The following RNF213 variants were observed in gnomAD, a reference collection of about 807,000 sequenced individuals.
The protein encoded by RNF213 is ring finger protein 213.
In RNF213, 341 loss-of-function variants were observed where a neutral mutation model predicts 514.4. The observed-to-expected ratio is 0.66, with a 90% CI of 0.61 to 0.73. The LOEUF is 0.73. RNF213 is among the 30% of genes least tolerant of loss of function. The probability of loss-of-function intolerance (pLI) is 0.00; values close to 1 mark genes in which losing one functional copy is unlikely to be tolerated. For missense variants in RNF213, 5,767 were observed against 6,615.6 expected (o/e 0.87, Z 4.45); for synonymous variants, 2,655 against 2,658.2 (o/e 1.00, Z 0.04).
intron 5 of RNF213, among the ~76,000 whole-genome samples, chr17:80,289,216 C>T (rs1419098341): frequency 6.6e-6 from 1 of 152,144 alleles, no homozygotes; most frequent in Non-Finnish European, 1.5e-5. Flanking sequence ...ATTAGTGGCC[C>T]CAGCGGCACT....
At position 80,317,445 on chromosome 17, in the gene RNF213, A is replaced by G. The variant is rs1170749235; in HGVS notation, c.2901+168A>G. Among the ~76,000 whole-genome samples the G allele has an allele frequency of 1.3e-5, 2 of 152,170 alleles. No individual in the cohort carries two copies. Among genetic ancestry groups the G allele is most frequent in the Non-Finnish European group, 2.9e-5 (2 of 68,024 alleles). ...GATCCAGCCCTTATAGTCTGTCCCT[A>G]GAAGAGCGCTTCGGAGTCTTACTGA... is the stretch of plus-strand genomic sequence containing the variant. On this transcript the variant is annotated intron_variant, in intron 16 of 67. Coordinates refer to ENST00000582970, the MANE Select transcript of RNF213 (RefSeq NM_001256071.3). This position sits in a 1 kb window ranked among gnomAD's most constrained non-coding sequence, Gnocchi z 4.1.
chr17:80,312,830 A>C (rs187488899), intron 14 of RNF213, among the ~76,000 whole-genome samples, 182 bp from the exon 15 acceptor site: 2 of 152,310 alleles, frequency 1.3e-5, no homozygotes, highest in Admixed American at 1.3e-4. Flanking sequence ...TGAACCCAGA[A>C]AACCCTGGGG....
chr17:80,282,665 T>C (rs2044341698), intron 3 of RNF213, among the ~76,000 whole-genome samples: 1 of 152,138 alleles, frequency 6.6e-6, no homozygotes, highest in Non-Finnish European at 1.5e-5. Flanking sequence ...CCCAAAGTGC[T>C]GGGATTACAG....
intron 3 of RNF213, among the ~76,000 whole-genome samples, chr17:80,276,155 C>T (rs919323982): frequency 1.3e-5 from 2 of 151,804 alleles, no homozygotes; most frequent in Non-Finnish European, 2.9e-5. Flanking sequence ...AGCTAGGGTG[C>T]AATGGCGTGA....
rs747989175 is a variant in RNF213 at position 80,363,590 on chromosome 17, C to G, written c.11569-19C>G. 3 of 1,612,718 alleles carry G rather than the reference C, an allele frequency of 1.9e-6. No homozygotes were observed. Among genetic ancestry groups the G allele is most frequent in the East Asian group, 2.2e-5 (1 of 44,892 alleles). On this transcript the variant is annotated intron_variant, in intron 40 of 67. Coordinates refer to ENST00000582970, the MANE Select transcript of RNF213 (RefSeq NM_001256071.3). ...GGGAGGGGCACCGCTCAGCCACGCC[C>G]TGCTGTCCGTCTCCCCAGACCCTGG... is the stretch of plus-strand genomic sequence containing the variant.
At position 80,343,344 on chromosome 17, in the gene RNF213, C is replaced by T. The variant is rs116693616; in HGVS notation, c.6183+19C>T. ...CTCCTCAGTAAGTGCCCTCCAGCGT[C>T]AGCCGATGGCCACATCAGTAAAGAC... On this transcript the variant is annotated intron_variant, in intron 27 of 67. Transcript: ENST00000582970. This position sits in a 1 kb window ranked among gnomAD's most constrained non-coding sequence, Gnocchi z 4.3. 3,474 of 1,604,512 alleles carry T rather than the reference C, an allele frequency of 2.2e-3. 70 individuals are homozygous for T. In the African/African-American group the frequency reaches 0.041, roughly 19 times the overall value.
intron 32 of RNF213, 23 bp from the exon 33 acceptor site, chr17:80,352,917 G>A: frequency 1.2e-6 from 2 of 1,613,934 alleles, no homozygotes; most frequent in Non-Finnish European, 1.7e-6. Flanking sequence ...AAAGACAGTT[G>A]TGGGTGGCTT....
intron 14 of RNF213, among the ~76,000 whole-genome samples, chr17:80,311,639 G>C (rs1236511757): frequency 6.6e-6 from 1 of 152,146 alleles, no homozygotes; most frequent in African/African-American, 2.4e-5. Context: ...GTATAGTGAC[G>C]CTGTGTTCCC....
Position 80,346,672 on chromosome 17 carries a change from G to T in RNF213, c.8337G>T (p.Lys2779Asn). Residue 2779 changes from lysine (K) to asparagine (N), a missense_variant, in exon 29 of 68, where the codon AAG (lysine) becomes AAT (asparagine). By Grantham distance (94) the Lys-to-Asn change is moderately conservative. Around this residue, in one of 13 missense-constraint regions of RNF213, gnomAD observed 105 missense variants for 183.9 expected, o/e 0.57. Transcript: ENST00000582970. This position sits in a 1 kb window ranked among gnomAD's most constrained non-coding sequence, Gnocchi z 8.1. ...CCGGCAGCTCCAAGTCTCTCGCCAA[G>T]ACCATCGTGGCAGACGCCATGCAGG... ...GKPGSSKSLA[K>N]TIVADAMQGP... The T allele has an allele frequency of 6.2e-7, 1 of 1,611,466 alleles. No homozygotes were observed. The highest frequency in any genetic ancestry group is 1.1e-5 in the South Asian group (1 of 91,078).
intron 36 of RNF213, among the ~76,000 whole-genome samples, chr17:80,356,981 G>A (rs545073890): frequency 1.3e-5 from 2 of 150,668 alleles, no homozygotes; most frequent in Admixed American, 6.6e-5. Flanking sequence ...GTGCAATGGC[G>A]CGATTTTGGC....
intron 62 of RNF213, 119 bp from the exon 63 acceptor site, chr17:80,386,571 A>G: frequency 7.1e-7 from 1 of 1,404,422 alleles, no homozygotes. Flanking sequence ...CCCGCCCCAT[A>G]CTTGGGTAGG....
intron 63 of RNF213, among the ~76,000 whole-genome samples, chr17:80,387,359 G>A (rs1231196991): frequency 6.6e-6 from 1 of 152,204 alleles, no homozygotes; most frequent in African/African-American, 2.4e-5. Context: ...ACCCGCCTAG[G>A]CCTCCCAAAG....
Position 80,339,852 on chromosome 17 carries a change from C to T in RNF213, c.5485C>T (p.Gln1829Ter). 7 of 1,536,340 alleles carry T rather than the reference C, an allele frequency of 4.6e-6. No individual in the cohort carries two copies. Among genetic ancestry groups the T allele is most frequent in the Non-Finnish European group, 3.5e-6 (4 of 1,146,274 alleles). ...TCTCCCGAGAGGTCTGCAGGTCGGC[C>T]AGCCCAACCTCGTCGTCTGTGGCCA... ...RCLPRGLQVG[Q>*]PNLVVCGHSE... The change falls in exon 26 of 68, where the codon CAG (glutamine) becomes TAG (stop). Residue 1829 changes from glutamine to a stop codon, truncating the protein, a stop_gained. Coordinates refer to ENST00000582970, the MANE Select transcript of RNF213 (RefSeq NM_001256071.3). LOFTEE classifies it high-confidence loss of function.
At chr17:80,374,762 C>T (rs1311770187) in intron 50 of RNF213, 173 bp downstream of exon 50, 12 of 706,708 alleles carry the variant, frequency 1.7e-5, no homozygotes, top group Middle Eastern at 3.8e-4. Flanking sequence ...GGCTAGTGTG[C>T]GTGAACCAGT....
At chr17:80,281,191 C>T (rs1234425969) in intron 3 of RNF213, among the ~76,000 whole-genome samples, 1 of 117,992 alleles carries the variant, frequency 8.5e-6, no homozygotes, top group African/African-American at 3.1e-5. Context: ...CACACACATA[C>T]CCCACTCACA....
chr17:80,273,159 A>C, intron 2 of RNF213, 82 bp from the exon 3 acceptor site: 6 of 1,554,784 alleles, frequency 3.9e-6, no homozygotes, highest in Non-Finnish European at 5.3e-6. Context: ...CTCTCCATGC[A>C]CTCGTGGGGA....
At chr17:80,291,918 C>T (rs1228099298) in intron 8 of RNF213, 91 bp downstream of exon 8, 2 of 1,425,434 alleles carry the variant, frequency 1.4e-6, no homozygotes, top group East Asian at 2.4e-5. Flanking sequence ...AGAGCACAGA[C>T]TTTGCCTGGG....
rs765630600 is a variant in RNF213 at position 80,381,546 on chromosome 17, G to C, written c.13798-1G>C. ...AACACTCTGTTCCGTTGCCCCCACA[G>C]GCTCTGATAAACATCATTAAGCCTC... On this transcript the variant is annotated splice_acceptor_variant, in intron 56 of 67. Coordinates refer to ENST00000582970, the MANE Select transcript of RNF213 (RefSeq NM_001256071.3). LOFTEE classifies it high-confidence loss of function. The C allele has an allele frequency of 1.2e-6, 2 of 1,613,996 alleles. No homozygotes were observed.
intron 28 of RNF213, 101 bp downstream of exon 28, chr17:80,344,116 CCTTA>C: frequency 7.8e-7 from 1 of 1,278,440 alleles, no homozygotes; most frequent in Non-Finnish European, 1.1e-6. Flanking sequence ...CACATCTTTG[CCTTA>C]CTTAGTGCAG....
Sources: allele counts gnomAD v4.1 joint callset (sites outside exome capture counted in the v4.1 genomes callset), GRCh38; gene constraint gnomAD v4.1.1; regional missense constraint gnomAD v4.1.1; non-coding constraint Gnocchi (gnomAD v3.1); transcripts MANE v1.5; gene names NCBI Gene and HGNC (gene_info 2026-07-23, HGNC 2026-07-21).